The following MARCHF1 variants were observed in gnomAD, a reference collection of about 807,000 sequenced individuals.
The protein encoded by MARCHF1 is E3 ubiquitin-protein ligase MARCHF1.
A neutral mutation model predicts 54.2 loss-of-function variants in MARCHF1; 40 were observed. The ratio of observed to expected loss-of-function variants is 0.74; its 90% CI spans 0.57 to 0.96. The LOEUF is 0.96. Among genes scored for constraint, MARCHF1 ranks in the 40% least tolerant of loss-of-function variants. MARCHF1 has a pLI of 0.00. For missense variants in MARCHF1, 586 were observed against 656.5 expected, an observed-to-expected ratio of 0.89 and a Z score of 1.17; for synonymous variants, 236 against 236.3, an observed-to-expected ratio of 1.00 and a Z score of 0.01.
chr4:164,357,698 A>G (rs1415955696), intron 1 of MARCHF1, among the ~76,000 whole-genome samples: 1 of 152,228 alleles, frequency 6.6e-6, no homozygotes, highest in African/African-American at 2.4e-5. Context: ...TCAGAATCTT[A>G]TAATGATGAA....
At chr4:163,837,402 C>A (rs191417032) in intron 4 of MARCHF1, among the ~76,000 whole-genome samples, 1 of 152,182 alleles carries the variant, frequency 6.6e-6, no homozygotes, top group Non-Finnish European at 1.5e-5. Flanking sequence ...ATTTTCAGTG[C>A]TAATTTAACA....
At chr4:164,098,937 A>C (rs1755474541) in intron 2 of MARCHF1, among the ~76,000 whole-genome samples, 1 of 152,222 alleles carries the variant, frequency 6.6e-6, no homozygotes, top group African/African-American at 2.4e-5. Flanking sequence ...TTGGCTCTAA[A>C]GAACATACAA....
intron 1 of MARCHF1, among the ~76,000 whole-genome samples, chr4:164,145,291 A>G (rs1377544351): frequency 1.3e-5 from 2 of 152,176 alleles, no homozygotes; most frequent in African/African-American, 4.8e-5. Flanking sequence ...CAATCAATAG[A>G]AAAAGAGGGA....
At chr4:164,133,716 T>C (rs1008807584) in intron 1 of MARCHF1, among the ~76,000 whole-genome samples, 1 of 152,154 alleles carries the variant, frequency 6.6e-6, no homozygotes, top group African/African-American at 2.4e-5. Context: ...GAACTAAAAC[T>C]CTTAAAATTT....
chr4:163,968,890 G>A (rs1447201018), intron 3 of MARCHF1, among the ~76,000 whole-genome samples: 2 of 152,090 alleles, frequency 1.3e-5, no homozygotes, highest in East Asian at 1.9e-4. Flanking sequence ...TCTAGACAAA[G>A]TGCATTAATT....
chr4:163,565,871 C>A (rs987566616), intron 8 of MARCHF1, among the ~76,000 whole-genome samples: 1 of 152,144 alleles, frequency 6.6e-6, no homozygotes, highest in Non-Finnish European at 1.5e-5. Flanking sequence ...ATAAGGATTA[C>A]CACAACAAAG....
At chr4:164,146,911 T>G (rs1244871306) in intron 1 of MARCHF1, among the ~76,000 whole-genome samples, 2 of 149,552 alleles carry the variant, frequency 1.3e-5, no homozygotes, top group Non-Finnish European at 3.0e-5. Context: ...AGAAAATTTT[T>G]GCAACCTACT....
At chr4:164,018,176 A>T (rs1753584892) in intron 2 of MARCHF1, among the ~76,000 whole-genome samples, 1 of 152,026 alleles carries the variant, frequency 6.6e-6, no homozygotes, top group African/African-American at 2.4e-5. Flanking sequence ...CAAAGATCAA[A>T]ATATAAGATT....
At position 164,056,791 on chromosome 4, in the gene MARCHF1, G is replaced by A. The variant is rs138607786; in HGVS notation, c.-248+54797C>T. Among the ~76,000 whole-genome samples the A allele has an allele frequency of 1.4e-3, 217 of 152,278 alleles. 1 individual carries two copies. Among genetic ancestry groups the A allele is most frequent in the Non-Finnish European group, 9.4e-4 (64 of 68,016 alleles). ...TATATTTGAATTGGTCTTAGCTAGT[G>A]AAGTCTATGGGACAATGGAGCAAAT... On this transcript the variant is annotated intron_variant, in intron 2 of 9. Coordinates refer to ENST00000514618, the MANE Select transcript of MARCHF1 (RefSeq NM_001394959.1).
intron 4 of MARCHF1, among the ~76,000 whole-genome samples, chr4:163,782,245 A>G (rs923773649): frequency 1.3e-5 from 2 of 152,228 alleles, no homozygotes; most frequent in African/African-American, 4.8e-5. Context: ...AAGATACAAT[A>G]AACTCTCTGG....
intron 4 of MARCHF1, among the ~76,000 whole-genome samples, chr4:163,826,477 A>G (rs4691103): frequency 0.8 from 120,862 of 151,950 alleles, 48,984 homozygotes; most frequent in South Asian, 0.91. Context: ...TAAATATCCT[A>G]AAGCCGTCCA....
At chr4:164,249,709 A>T (rs928365125) in intron 1 of MARCHF1, among the ~76,000 whole-genome samples, 6 of 150,696 alleles carry the variant, frequency 4.0e-5, no homozygotes, top group African/African-American at 1.5e-4. Flanking sequence ...AAAACCAGTT[A>T]AAAAAAAATG....
intron 1 of MARCHF1, among the ~76,000 whole-genome samples, chr4:164,218,015 A>G (rs1456774140): frequency 6.6e-6 from 1 of 152,112 alleles, no homozygotes. Context: ...ATTCTTTAAA[A>G]TATTTTTAAG....
intron 1 of MARCHF1, among the ~76,000 whole-genome samples, chr4:164,257,102 G>A (rs1453029144): frequency 1.3e-5 from 2 of 151,994 alleles, no homozygotes; most frequent in Non-Finnish European, 2.9e-5. Context: ...TAAATAAACT[G>A]TTCATCACAT....
intron 9 of MARCHF1, among the ~76,000 whole-genome samples, chr4:163,540,793 G>A (rs1738697177): frequency 1.3e-5 from 2 of 152,182 alleles, no homozygotes; most frequent in Admixed American, 6.5e-5. Context: ...AGGCTGAGGC[G>A]AGCAGATCGC....
intron 1 of MARCHF1, among the ~76,000 whole-genome samples, chr4:164,339,586 G>T (rs925216691): frequency 2.0e-5 from 3 of 152,078 alleles, no homozygotes; most frequent in Admixed American, 6.6e-5. Context: ...TAAGAGGGAA[G>T]TTTACAGGGA....
intron 1 of MARCHF1, among the ~76,000 whole-genome samples, chr4:164,155,493 A>G (rs997600204): frequency 2.6e-5 from 4 of 152,190 alleles, no homozygotes; most frequent in African/African-American, 9.7e-5. Flanking sequence ...GCAGCAAAAT[A>G]TATGTTCTCT....
intron 5 of MARCHF1, among the ~76,000 whole-genome samples, chr4:163,656,314 A>C (rs1315797110): frequency 6.6e-6 from 1 of 151,798 alleles, no homozygotes; most frequent in Non-Finnish European, 1.5e-5. Flanking sequence ...AGAAGAAATA[A>C]ATAAATTCCT....
intron 2 of MARCHF1, among the ~76,000 whole-genome samples, chr4:164,089,691 G>A (rs1249179936): frequency 6.6e-6 from 1 of 151,750 alleles, no homozygotes; most frequent in Non-Finnish European, 1.5e-5. Context: ...CAAGATCCTT[G>A]GATCCTCAAG....
Sources: allele counts gnomAD v4.1 joint callset (sites outside exome capture counted in the v4.1 genomes callset), GRCh38; gene constraint gnomAD v4.1.1; transcripts MANE v1.5; gene names NCBI Gene and HGNC (gene_info 2026-07-23, HGNC 2026-07-21).